The following SLC35F3 variants were observed in gnomAD, a reference collection of about 807,000 sequenced individuals.
The protein encoded by SLC35F3 is putative thiamine transporter SLC35F3.
In SLC35F3, 25 loss-of-function variants were observed where a neutral mutation model predicts 49.9. The observed-to-expected ratio is 0.50, with a 90% confidence interval of 0.37 to 0.70. SLC35F3 has a LOEUF of 0.70. Ranked by LOEUF, SLC35F3 falls within the 30% of genes least tolerant of loss-of-function variation. The pLI is 0.00. For missense variants in SLC35F3, 525 were observed against 639.8 expected (o/e 0.82, Z 1.94); for synonymous variants, 275 against 265.4 (o/e 1.04, Z -0.35).
At chr1:234,286,697 T>C (rs773038991) in intron 3 of SLC35F3, among the ~76,000 whole-genome samples, 12 of 152,218 alleles carry the variant, frequency 7.9e-5, no homozygotes, top group Non-Finnish European at 1.6e-4. Flanking sequence ...TGATTGTCTC[T>C]CTAAACAGAA....
intron 3 of SLC35F3, among the ~76,000 whole-genome samples, chr1:234,251,354 A>G (rs1667734872): frequency 6.6e-6 from 1 of 152,006 alleles, no homozygotes; most frequent in Non-Finnish European, 1.5e-5. Context: ...ATGATTTTCA[A>G]TTAGGAGATC....
rs1228395702 is a variant in SLC35F3 at position 234,309,264 on chromosome 1, G to C, written c.772G>C (p.Ala258Pro). The change falls in exon 4 of 8, where the codon GCT becomes CCT. Residue 258 changes from alanine to proline, a missense_variant. Physicochemically the swap from Ala to Pro is conservative, Grantham distance 27. Transcript: ENST00000366618. ...CTCCGTGTTGTTCTGCTGCAACAAAGCTTTTGTGTTCTTGCTCTCATGGAT... is the reference window on the plus strand; with the variant it reads ...CTCCGTGTTGTTCTGCTGCAACAAACCTTTTGTGTTCTTGCTCTCATGGAT... ...DVSVLFCCNK[A>P]FVFLLSWIVL... 6.2e-7 allele frequency: 1 copy of C among 1,614,212 alleles called. No homozygotes were observed.
intron 2 of SLC35F3, among the ~76,000 whole-genome samples, chr1:234,155,423 T>TTA (rs1558244564): frequency 8.0e-5 from 9 of 112,802 alleles, no homozygotes; most frequent in African/African-American, 3.9e-4. Context: ...TATTATTATT[T>TTA]TTGAGAGACA....
rs1558189281 is a variant in SLC35F3, at chr1:233,957,676, A to G, written c.283+51918A>G. 6.6e-6 allele frequency among the ~76,000 whole-genome samples: 1 copy of G among 152,010 alleles called. No homozygotes were observed. The highest frequency in any genetic ancestry group is 1.9e-4 in the East Asian group (1 of 5,178). ...ATTAAAGTACAAAAATTAGTTAGGCATGGTGGTGGGTGCCTGTACTCCCAG... is the reference window on the plus strand; with the variant it reads ...ATTAAAGTACAAAAATTAGTTAGGCGTGGTGGTGGGTGCCTGTACTCCCAG... On this transcript the variant is annotated intron_variant, in intron 2 of 7. Transcript: ENST00000366618. The surrounding 1 kb of genome is among the most constrained non-coding windows in gnomAD (Gnocchi z 4.0).
chr1:234,038,194 A>G lies in SLC35F3; in HGVS notation c.283+132436A>G, dbSNP rs1664171777. ...TGTTCTCACTGTTCAATTCCCACCT[A>G]TGAGTGAGAACATGTGGTGTTTGGT... is the stretch of plus-strand genomic sequence containing the variant. On this transcript the variant is annotated intron_variant, in intron 2 of 7. Coordinates refer to ENST00000366618, the MANE Select transcript of SLC35F3 (RefSeq NM_173508.4). Among the ~76,000 whole-genome samples, 2 of 141,172 alleles carry G rather than the reference A, an allele frequency of 1.4e-5. 1 individual carries two copies. The highest frequency in any genetic ancestry group is 8.2e-3 in the Middle Eastern group (2 of 244). The allele number at this position is 141,172 out of a possible 152,430, so 92.6% of individuals were successfully genotyped here.
At chr1:234,068,989 T>C (rs2102866651) in intron 2 of SLC35F3, among the ~76,000 whole-genome samples, 1 of 121,814 alleles carries the variant, frequency 8.2e-6, no homozygotes, top group South Asian at 2.3e-4. Flanking sequence ...TTACTACATA[T>C]AATATATAAA....
chr1:233,968,028 A>G (rs764837202), intron 2 of SLC35F3, among the ~76,000 whole-genome samples: 6 of 152,166 alleles, frequency 3.9e-5, no homozygotes, highest in Non-Finnish European at 7.4e-5. Context: ...TGTCTCATGT[A>G]TTTGGAGGCT....
At chr1:234,117,583 C>A (rs1401097547) in intron 2 of SLC35F3, among the ~76,000 whole-genome samples, 1 of 132,368 alleles carries the variant, frequency 7.6e-6, no homozygotes, top group African/African-American at 2.6e-5. Flanking sequence ...CAGAGTGAGA[C>A]CCTGTCTAAA....
At chr1:233,998,766 C>T (rs1214783943) in intron 2 of SLC35F3, among the ~76,000 whole-genome samples, 1 of 152,046 alleles carries the variant, frequency 6.6e-6, no homozygotes, top group Non-Finnish European at 1.5e-5. Context: ...TGGCTTGTGA[C>T]AGTTATAGCA....
At position 233,904,867 on chromosome 1, in the gene SLC35F3, A is replaced by G; in HGVS notation, c.-211A>G. On this transcript the variant is annotated 5_prime_UTR_variant, in exon 1 of 8. Coordinates refer to ENST00000366618, the MANE Select transcript of SLC35F3 (RefSeq NM_173508.4). ...GGCCGGCCTGGAGTCACCGGGCTGA[A>G]CCGCCGCGCCTGCATCGTGCCGCAC... 1 of 302,966 alleles carries G rather than the reference A, an allele frequency of 3.3e-6. No individual in the cohort carries two copies. 18.8% of individuals were successfully genotyped at this position (302,966 alleles called of 1,614,324 possible).
chr1:233,916,973 C>CG (rs1278553433), intron 2 of SLC35F3, among the ~76,000 whole-genome samples: 44 of 101,524 alleles, frequency 4.3e-4, no homozygotes, highest in Non-Finnish European at 7.7e-4. Context: ...TGATTCATTC[C>CG]TTCTTCATTC....
chr1:234,197,378 T>C (rs1454944410), intron 2 of SLC35F3, among the ~76,000 whole-genome samples: 1 of 152,168 alleles, frequency 6.6e-6, no homozygotes, highest in Non-Finnish European at 1.5e-5. Context: ...TAGTGTTTGT[T>C]CAAGTCCTTC....
At chr1:234,206,049 T>A (rs1313678705) in intron 2 of SLC35F3, among the ~76,000 whole-genome samples, 1 of 151,842 alleles carries the variant, frequency 6.6e-6, no homozygotes, top group Non-Finnish European at 1.5e-5. Flanking sequence ...GTTATAGGGA[T>A]GAGGGGCACG....
intron 2 of SLC35F3, among the ~76,000 whole-genome samples, chr1:234,040,484 C>A (rs1325477923): frequency 6.6e-6 from 1 of 152,208 alleles, no homozygotes; most frequent in Non-Finnish European, 1.5e-5. Flanking sequence ...CCCTGTCTGC[C>A]TAGAGTTTCT....
At chr1:234,133,073 A>G (rs924993192) in intron 2 of SLC35F3, among the ~76,000 whole-genome samples, 4 of 152,214 alleles carry the variant, frequency 2.6e-5, no homozygotes, top group Non-Finnish European at 4.4e-5. Context: ...TAAGTAGTGA[A>G]GCTGGGATTT....
intron 2 of SLC35F3, among the ~76,000 whole-genome samples, chr1:234,182,394 C>G (rs1288253611): frequency 6.6e-6 from 1 of 152,168 alleles, no homozygotes; most frequent in African/African-American, 2.4e-5. Flanking sequence ...TTAAGGAGCC[C>G]TGTGTCTTTC....
intron 2 of SLC35F3, among the ~76,000 whole-genome samples, chr1:234,039,181 G>A (rs1343386207): frequency 6.6e-6 from 1 of 152,170 alleles, no homozygotes; most frequent in Non-Finnish European, 1.5e-5. Flanking sequence ...AGAGAGAAAA[G>A]AGAGGAGGCT....
chr1:234,267,873 G>A (rs1410581993), intron 3 of SLC35F3, among the ~76,000 whole-genome samples: 6 of 137,804 alleles, frequency 4.4e-5, no homozygotes, highest in Admixed American at 4.2e-4. Flanking sequence ...CGGGGCAGAG[G>A]TGCTCCCCAC....
At chr1:234,104,699 A>G (rs1415478328) in intron 2 of SLC35F3, among the ~76,000 whole-genome samples, 1 of 152,220 alleles carries the variant, frequency 6.6e-6, no homozygotes, top group Non-Finnish European at 1.5e-5. Context: ...GTGCATCTCA[A>G]AAAATGTAGT....
Sources: allele counts gnomAD v4.1 joint callset (sites outside exome capture counted in the v4.1 genomes callset), GRCh38; gene constraint gnomAD v4.1.1; non-coding constraint Gnocchi (gnomAD v3.1); transcripts MANE v1.5; gene names NCBI Gene and HGNC (gene_info 2026-07-23, HGNC 2026-07-21).